The following GALNT17 variants were observed in gnomAD, a reference collection of about 807,000 sequenced individuals.
GALNT17 encodes the protein polypeptide N-acetylgalactosaminyltransferase 17, also known as UDP-GalNAc:polypeptide N-acetylgalactosaminyltransferase-like 3.
Under a neutral mutation model 63.7 loss-of-function variants are expected in GALNT17, and 29 were observed. The observed-to-expected ratio is 0.46, with a 90% CI of 0.34 to 0.62. GALNT17 has a LOEUF of 0.62. Among genes scored for constraint, GALNT17 ranks in the 20% least tolerant of loss-of-function variants. GALNT17 has a pLI of 0.01. For missense variants in GALNT17, 603 were observed against 799.6 expected (o/e 0.75, Z 2.97); for synonymous variants, 305 against 318.3 (o/e 0.96, Z 0.45).
intron 1 of GALNT17, among the ~76,000 whole-genome samples, chr7:71,268,664 A>G (rs904959746): frequency 4.6e-5 from 7 of 152,142 alleles, no homozygotes; most frequent in Admixed American, 4.6e-4. Flanking sequence ...TGCTGGCTGA[A>G]CTGTGGCACT....
chr7:71,634,753 CAAA>C lies in GALNT17; in HGVS notation c.1081-30645_1081-30643del, dbSNP rs35015537. ...TGGGCGACGGAGCGAGACTCCATCT[CAAA>C]AAAAAAAAAAAAGAAAAAAGAAAAA... On this transcript the variant is annotated intron_variant, in intron 6 of 10. Coordinates refer to ENST00000333538, the MANE Select transcript of GALNT17 (RefSeq NM_022479.3). Among the ~76,000 whole-genome samples, 129 of 110,218 alleles carry C rather than the reference CAAA, an allele frequency of 1.2e-3. 1 individual carries two copies. Among genetic ancestry groups the C allele is most frequent in the African/African-American group, 3.7e-3 (111 of 29,640 alleles). 72.3% of individuals were successfully genotyped at this position (110,218 alleles called of 152,430 possible). A position where few individuals can be genotyped will look rare whatever the true frequency, so the allele number is the denominator to read the frequency against.
chr7:71,482,796 G>A (rs1787843999), intron 5 of GALNT17, among the ~76,000 whole-genome samples: 1 of 152,100 alleles, frequency 6.6e-6, no homozygotes, highest in African/African-American at 2.4e-5. Flanking sequence ...GGAGGTGTCA[G>A]GATGAAACTG....
At chr7:71,405,191 C>T (rs1793307371) in intron 3 of GALNT17, among the ~76,000 whole-genome samples, 1 of 152,170 alleles carries the variant, frequency 6.6e-6, no homozygotes, top group Admixed American at 6.5e-5. Context: ...TATTAGCAGA[C>T]AAATGACTTG....
chr7:71,666,300 C>T (rs1415244529), intron 7 of GALNT17, among the ~76,000 whole-genome samples: 1 of 149,836 alleles, frequency 6.7e-6, no homozygotes, highest in South Asian at 2.1e-4. Context: ...CTAAGTATAA[C>T]CTCCTGTGTG....
In GALNT17 at chr7:71,658,046, C is replaced by T. The variant is rs112996435; in HGVS notation, c.1081-7365C>T. ...CAGCCTCCTGAGTAGATGAGACCAC[C>T]GCCATGTGCCACCACACCTGGCTAA... On this transcript the variant is annotated intron_variant, in intron 6 of 10. Transcript: ENST00000333538. Among the ~76,000 whole-genome samples, 1,191 of 152,052 alleles carry T rather than the reference C, an allele frequency of 7.8e-3. 22 individuals are homozygous for T. The highest frequency in any genetic ancestry group is 0.026 in the African/African-American group (1,091 of 41,466).
chr7:71,150,105 G>A (rs958698331), intron 1 of GALNT17, among the ~76,000 whole-genome samples: 19 of 152,058 alleles, frequency 1.2e-4, no homozygotes, highest in African/African-American at 4.3e-4. Context: ...TTGATTCCAG[G>A]GCACCCTTCT....
intron 2 of GALNT17, among the ~76,000 whole-genome samples, chr7:71,374,095 G>A (rs372136872): frequency 1.3e-5 from 2 of 152,284 alleles, no homozygotes; most frequent in African/African-American, 2.4e-5. Context: ...CGTTTTTGGT[G>A]TGGAAAACTG....
At chr7:71,212,324 T>C (rs937634977) in intron 1 of GALNT17, among the ~76,000 whole-genome samples, 1 of 152,200 alleles carries the variant, frequency 6.6e-6, no homozygotes, top group Non-Finnish European at 1.5e-5. Flanking sequence ...AAGTCAAGAA[T>C]TGAGGTTTGG....
At chr7:71,274,058 T>G (rs1790640876) in intron 1 of GALNT17, among the ~76,000 whole-genome samples, 2 of 152,236 alleles carry the variant, frequency 1.3e-5, no homozygotes, top group Admixed American at 1.3e-4. Flanking sequence ...AAACCAGCCC[T>G]CTGGGTAGGG....
intron 5 of GALNT17, among the ~76,000 whole-genome samples, chr7:71,528,999 G>A (rs908150668): frequency 4.6e-5 from 7 of 152,060 alleles, no homozygotes; most frequent in African/African-American, 1.7e-4. Context: ...GCCAGGCAGG[G>A]TGGCGAGTGC....
chr7:71,314,707 C>T (rs1791471046), intron 1 of GALNT17, among the ~76,000 whole-genome samples: 1 of 152,086 alleles, frequency 6.6e-6, no homozygotes, highest in Non-Finnish European at 1.5e-5. Flanking sequence ...TTGCAACCAG[C>T]CTGGGCAACA....
intron 1 of GALNT17, among the ~76,000 whole-genome samples, chr7:71,146,607 C>A (rs1788028452): frequency 6.6e-6 from 1 of 152,112 alleles, no homozygotes; most frequent in Non-Finnish European, 1.5e-5. Flanking sequence ...CTCCCTCCCT[C>A]CCTCGCCGCC....
At chr7:71,525,996 T>A (rs1788617947) in intron 5 of GALNT17, among the ~76,000 whole-genome samples, 1 of 152,070 alleles carries the variant, frequency 6.6e-6, no homozygotes, top group East Asian at 1.9e-4. Flanking sequence ...TGCCTCGGCC[T>A]CCCAAAGTGC....
chr7:71,571,910 A>G (rs1789448368), intron 6 of GALNT17, among the ~76,000 whole-genome samples: 1 of 151,884 alleles, frequency 6.6e-6, no homozygotes, highest in Non-Finnish European at 1.5e-5. Flanking sequence ...TCCTCTGGAG[A>G]CTGAGGTAGG....
chr7:71,538,161 C>T (rs1309601329), intron 5 of GALNT17, among the ~76,000 whole-genome samples: 3 of 152,182 alleles, frequency 2.0e-5, no homozygotes, highest in Non-Finnish European at 4.4e-5. Context: ...ACTGAACGAA[C>T]ATTGATAATT....
chr7:71,673,948 A>G (rs113417057), intron 8 of GALNT17, among the ~76,000 whole-genome samples: 8,007 of 152,304 alleles, frequency 0.053, 256 homozygotes, highest in African/African-American at 0.096. Context: ...TACAGCTCCA[A>G]GTCTGTGCAC....
At chr7:71,320,311 A>C (rs1791583509) in intron 1 of GALNT17, among the ~76,000 whole-genome samples, 1 of 151,564 alleles carries the variant, frequency 6.6e-6, no homozygotes, top group Admixed American at 6.6e-5. Flanking sequence ...ATCACAGTTC[A>C]CTTCAACCTC....
At chr7:71,326,298 A>G (rs1470376726) in intron 1 of GALNT17, among the ~76,000 whole-genome samples, 1 of 152,182 alleles carries the variant, frequency 6.6e-6, no homozygotes, top group Admixed American at 6.5e-5. Flanking sequence ...TCTCTACAAA[A>G]GTTAAGAAAA....
chr7:71,613,576 A>G (rs1790156769), intron 6 of GALNT17, among the ~76,000 whole-genome samples: 1 of 152,124 alleles, frequency 6.6e-6, no homozygotes, highest in Admixed American at 6.6e-5. Context: ...GGGACTTTCC[A>G]GTTCATTGCA....
Sources: allele counts gnomAD v4.1 joint callset (sites outside exome capture counted in the v4.1 genomes callset), GRCh38; gene constraint gnomAD v4.1.1; transcripts MANE v1.5; gene names NCBI Gene and HGNC (gene_info 2026-07-23, HGNC 2026-07-21).